Variants in PIK3C2G observed in about 807,000 individuals in gnomAD.
PIK3C2G encodes phosphatidylinositol-4-phosphate 3-kinase catalytic subunit type 2 gamma.
Under a neutral mutation model 181.1 loss-of-function variants are expected in PIK3C2G, and 168 were observed. The observed-to-expected ratio is 0.93, with a 90% CI of 0.82 to 1.05. PIK3C2G has a LOEUF of 1.05. PIK3C2G is among the 50% of genes least tolerant of loss of function. PIK3C2G has a pLI of 0.00. For synonymous variants in PIK3C2G, 573 were observed against 592.2 expected, an observed-to-expected ratio of 0.97 and a Z score of 0.47; for missense variants, 1,869 against 1,732.8, an observed-to-expected ratio of 1.08 and a Z score of -1.40.
chr12:18,596,359 A>C (rs1947362016), intron 30 of PIK3C2G, among the ~76,000 whole-genome samples: 1 of 152,120 alleles, frequency 6.6e-6, no homozygotes, highest in East Asian at 1.9e-4. Flanking sequence ...TACCAGACTC[A>C]ACAAAGCAGT....
chr12:18,655,259 C>A, the PIK3C2G span, among the ~76,000 whole-genome samples: 1 of 152,138 alleles, frequency 6.6e-6, no homozygotes, highest in African/African-American at 2.4e-5. Flanking sequence ...TCCAGTGGTC[C>A]TCCAGCTGAA....
chr12:18,455,107 G>A (rs1021126956), intron 18 of PIK3C2G, among the ~76,000 whole-genome samples: 3 of 152,176 alleles, frequency 2.0e-5, no homozygotes, highest in Non-Finnish European at 2.9e-5. Flanking sequence ...CTTCATCAAA[G>A]CAAACATACA....
chr12:18,259,961 C>A (rs1346775315), upstream of PIK3C2G, among the ~76,000 whole-genome samples: 1 of 151,912 alleles, frequency 6.6e-6, no homozygotes, highest in African/African-American at 2.4e-5. Context: ...ATTAAAAGTG[C>A]TACTAAAATA....
intron 18 of PIK3C2G, among the ~76,000 whole-genome samples, chr12:18,427,506 A>AT (rs1247997385): frequency 6.6e-6 from 1 of 150,378 alleles, no homozygotes; most frequent in Non-Finnish European, 1.5e-5. Context: ...CCATTAAAAA[A>AT]AAAAAAAAAA....
At chr12:18,683,692 G>A in the PIK3C2G span, 1 of 1,157,116 alleles carries the variant, frequency 8.6e-7, no homozygotes, top group Non-Finnish European at 1.2e-6. Flanking sequence ...AATCACCCTG[G>A]AAAGGTGACT....
intron 13 of PIK3C2G, among the ~76,000 whole-genome samples, chr12:18,381,459 T>G (rs890529567): frequency 3.3e-5 from 5 of 152,190 alleles, no homozygotes; most frequent in Non-Finnish European, 5.9e-5. Flanking sequence ...TTAGTCCCAC[T>G]TTATAATCAC....
chr12:18,606,353 C>T (rs74071206), intron 30 of PIK3C2G, among the ~76,000 whole-genome samples: 4,101 of 152,166 alleles, frequency 0.027, 191 homozygotes, highest in African/African-American at 0.094. Context: ...CGTTGTGCCT[C>T]AAAACGTCAT....
At position 18,454,143 on chromosome 12, in the gene PIK3C2G, A is replaced by G. The variant is rs144912215; in HGVS notation, c.2504+30104A>G. The stretch of plus-strand genomic sequence containing the variant: ...TTTAATGAATGCCTACTATATGTTA[A>G]GCTTTGTCCCATGCATTGGAGATAC... On this transcript the variant is annotated intron_variant, in intron 18 of 32. Transcript: ENST00000538779. Among the ~76,000 whole-genome samples, 1,239 of 152,262 alleles carry G rather than the reference A, an allele frequency of 8.1e-3. 18 individuals are homozygous for G. The highest frequency in any genetic ancestry group is 0.028 in the African/African-American group (1,179 of 41,550).
chr12:18,249,465 A>G (rs867600579), intron 1 of PIK3C2G, among the ~76,000 whole-genome samples: 4 of 152,066 alleles, frequency 2.6e-5, no homozygotes, highest in Admixed American at 2.0e-4. Flanking sequence ...TTTCCTTTTC[A>G]TCCTACTCAT....
upstream of PIK3C2G, chr12:18,247,557 G>A (rs1016918328): frequency 2.0e-5 from 3 of 152,236 alleles, no homozygotes; most frequent in African/African-American, 7.2e-5. Context: ...GGTTTGAGGA[G>A]GTGGTGTCTG....
chr12:18,586,959 C>T (rs1189908559), intron 29 of PIK3C2G, among the ~76,000 whole-genome samples: 2 of 152,094 alleles, frequency 1.3e-5, no homozygotes, highest in African/African-American at 4.8e-5. Context: ...ACAAAAACCA[C>T]ATGACTATCC....
intron 20 of PIK3C2G, among the ~76,000 whole-genome samples, chr12:18,494,185 C>T (rs1940814306): frequency 6.6e-6 from 1 of 152,164 alleles, no homozygotes; most frequent in Admixed American, 6.5e-5. Flanking sequence ...CATGGGCATT[C>T]CAATCTACTT....
At chr12:18,357,574 G>C (rs1940864387) in intron 11 of PIK3C2G, among the ~76,000 whole-genome samples, 1 of 152,128 alleles carries the variant, frequency 6.6e-6, no homozygotes. Context: ...CAAAAATCTA[G>C]TGCTAAATAA....
chr12:18,431,794 G>A (rs1175748824), intron 18 of PIK3C2G, among the ~76,000 whole-genome samples: 1 of 152,054 alleles, frequency 6.6e-6, no homozygotes, highest in Admixed American at 6.6e-5. Flanking sequence ...CTTTTGTTAG[G>A]GAAAGATATG....
chr12:18,720,095 A>G, the PIK3C2G span, among the ~76,000 whole-genome samples: 1 of 152,034 alleles, frequency 6.6e-6, no homozygotes, highest in African/African-American at 2.4e-5. Context: ...CTTTATATGA[A>G]TTGACTCAGA....
intron 31 of PIK3C2G, among the ~76,000 whole-genome samples, chr12:18,624,166 G>T (rs1244087451): frequency 1.3e-5 from 2 of 151,550 alleles, no homozygotes; most frequent in African/African-American, 4.8e-5. Context: ...TTAGCTATGG[G>T]TTTGTCATAT....
the PIK3C2G span, among the ~76,000 whole-genome samples, chr12:18,679,337 T>G: frequency 6.6e-6 from 1 of 152,088 alleles, no homozygotes; most frequent in Admixed American, 6.6e-5. Context: ...TTATGCCTCA[T>G]GCATTTAATG....
chr12:18,604,172 A>G (rs1036743079), intron 30 of PIK3C2G, among the ~76,000 whole-genome samples: 1 of 152,230 alleles, frequency 6.6e-6, no homozygotes, highest in African/African-American at 2.4e-5. Context: ...AAGCATTCAT[A>G]TAAACTTAGA....
intron 18 of PIK3C2G, among the ~76,000 whole-genome samples, chr12:18,429,384 C>T (rs554800335): frequency 6.6e-6 from 1 of 152,256 alleles, no homozygotes; most frequent in African/African-American, 2.4e-5. Flanking sequence ...TAACTTGTTA[C>T]GGCAGCCACA....
Sources: allele counts gnomAD v4.1 joint callset (sites outside exome capture counted in the v4.1 genomes callset), GRCh38; gene constraint gnomAD v4.1.1; transcripts MANE v1.5; gene names NCBI Gene and HGNC (gene_info 2026-07-23, HGNC 2026-07-21).